The following CHST11 variants were observed in gnomAD, a reference collection of about 807,000 sequenced individuals.
CHST11 encodes C4S-1.
Under a neutral mutation model 30.4 loss-of-function variants are expected in CHST11, and 9 were observed. The ratio of observed to expected loss-of-function variants is 0.30; its 90% CI spans 0.18 to 0.52. The LOEUF (loss-of-function observed/expected upper bound fraction) is 0.52, where lower values mean the gene tolerates loss of function less well. CHST11 is among the 20% of genes least tolerant of loss of function. CHST11 has a pLI of 0.97. For synonymous variants in CHST11, 152 were observed against 187.8 expected, an observed-to-expected ratio of 0.81 and a Z score of 1.56; for missense variants, 348 against 460.6, an observed-to-expected ratio of 0.76 and a Z score of 2.24.
chr12:104,481,563 G>A (rs2135961028), intron 1 of CHST11, among the ~76,000 whole-genome samples: 1 of 152,214 alleles, frequency 6.6e-6, no homozygotes, highest in East Asian at 1.9e-4. Context: ...GCTTCCTTCT[G>A]TAGGGAGCGG....
chr12:104,566,579 G>A (rs943401061), intron 1 of CHST11, among the ~76,000 whole-genome samples: 2 of 152,178 alleles, frequency 1.3e-5, no homozygotes, highest in African/African-American at 2.4e-5. Context: ...GGGATTGTGA[G>A]GGTGGGTTCT....
At chr12:104,684,306 A>ATGGATG (rs1566036984) in intron 2 of CHST11, among the ~76,000 whole-genome samples, 58 of 129,824 alleles carry the variant, frequency 4.5e-4, no homozygotes, top group African/African-American at 1.5e-3. Context: ...ATGGATGGAT[A>ATGGATG]GATGGGTGAG....
At chr12:104,546,826 C>T (rs1319918627) in intron 1 of CHST11, among the ~76,000 whole-genome samples, 1 of 152,168 alleles carries the variant, frequency 6.6e-6, no homozygotes, top group Non-Finnish European at 1.5e-5. Flanking sequence ...ACGTGTGTAC[C>T]CTTGGGCGGT....
intron 2 of CHST11, among the ~76,000 whole-genome samples, chr12:104,750,951 T>G (rs540428968): frequency 6.6e-6 from 1 of 152,342 alleles, no homozygotes; most frequent in South Asian, 2.1e-4. Flanking sequence ...AGCATTCTCT[T>G]GACCCCTACC....
intron 1 of CHST11, among the ~76,000 whole-genome samples, chr12:104,530,014 CTAGG>C (rs2038166327): frequency 1.3e-5 from 2 of 152,092 alleles, no homozygotes; most frequent in Non-Finnish European, 2.9e-5. Context: ...AAAAAATTAG[CTAGG>C]CATGGTGGCA....
chr12:104,542,581 A>G (rs1592753801), intron 1 of CHST11, among the ~76,000 whole-genome samples: 1 of 152,234 alleles, frequency 6.6e-6, no homozygotes, highest in Admixed American at 6.5e-5. Context: ...AGAGACACAC[A>G]TGAAACTGGT....
intron 2 of CHST11, among the ~76,000 whole-genome samples, chr12:104,678,859 T>C (rs968557126): frequency 6.6e-6 from 1 of 152,174 alleles, no homozygotes; most frequent in Non-Finnish European, 1.5e-5. Flanking sequence ...CTCAGGAGTG[T>C]GGCATTGACC....
intron 1 of CHST11, among the ~76,000 whole-genome samples, chr12:104,515,210 C>T (rs527897147): frequency 4.5e-4 from 68 of 152,218 alleles, no homozygotes; most frequent in African/African-American, 1.0e-3. Context: ...AATAAAGTTT[C>T]GCTGGAACTC....
intron 2 of CHST11, among the ~76,000 whole-genome samples, chr12:104,686,383 G>T (rs565547859): frequency 3.3e-5 from 5 of 152,326 alleles, no homozygotes; most frequent in African/African-American, 1.2e-4. Flanking sequence ...CTGAGAGAGA[G>T]TCCTCTGCTC....
At chr12:104,547,058 C>G (rs1388610327) in intron 1 of CHST11, among the ~76,000 whole-genome samples, 4 of 152,202 alleles carry the variant, frequency 2.6e-5, no homozygotes, top group Non-Finnish European at 5.9e-5. Flanking sequence ...TCTTCGACCA[C>G]TCTTGCAAAT....
At chr12:104,462,638 T>A (rs1160859173) in intron 1 of CHST11, among the ~76,000 whole-genome samples, 1 of 152,220 alleles carries the variant, frequency 6.6e-6, no homozygotes, top group African/African-American at 2.4e-5. Flanking sequence ...TCTTATGTTA[T>A]ACACCTGAAA....
intron 1 of CHST11, among the ~76,000 whole-genome samples, chr12:104,462,619 AG>A (rs1298415122): frequency 1.3e-5 from 2 of 152,152 alleles, no homozygotes; most frequent in African/African-American, 4.8e-5. Flanking sequence ...ACCAATTTGT[AG>A]GGGCTGTTCT....
chr12:104,568,630 T>C (rs2038592794), intron 1 of CHST11, among the ~76,000 whole-genome samples: 1 of 152,172 alleles, frequency 6.6e-6, no homozygotes, highest in East Asian at 1.9e-4. Flanking sequence ...GCGGCACCTG[T>C]CATCTCTACT....
chr12:104,653,109 C>T (rs1049079763), intron 2 of CHST11, among the ~76,000 whole-genome samples: 6 of 152,206 alleles, frequency 3.9e-5, no homozygotes, highest in Non-Finnish European at 8.8e-5. Flanking sequence ...CTTCATCTTG[C>T]AACATGGAAT....
intron 1 of CHST11, among the ~76,000 whole-genome samples, chr12:104,476,252 A>G (rs1190320146): frequency 1.3e-5 from 2 of 148,832 alleles, no homozygotes; most frequent in Admixed American, 6.7e-5. Context: ...TTACACATAT[A>G]TGTAATATAT....
intron 2 of CHST11, among the ~76,000 whole-genome samples, chr12:104,614,593 G>A (rs1592794691): frequency 6.6e-6 from 1 of 152,054 alleles, no homozygotes; most frequent in Non-Finnish European, 1.5e-5. Flanking sequence ...AATACATGAC[G>A]TTGGAGGAGC....
chr12:104,747,188 G>A (rs113943867), intron 2 of CHST11, among the ~76,000 whole-genome samples: 90 of 152,304 alleles, frequency 5.9e-4, no homozygotes, highest in African/African-American at 2.1e-3. Flanking sequence ...TGAGACCCAC[G>A]CCTCCAGCGG....
intron 2 of CHST11, among the ~76,000 whole-genome samples, chr12:104,731,686 A>G (rs1454186542): frequency 6.6e-6 from 1 of 152,172 alleles, no homozygotes; most frequent in Non-Finnish European, 1.5e-5. Flanking sequence ...GAGCATGTCC[A>G]CCTCTCAGGG....
At chr12:104,495,674 A>T (rs112627768) in intron 1 of CHST11, among the ~76,000 whole-genome samples, 4 of 152,294 alleles carry the variant, frequency 2.6e-5, no homozygotes, top group African/African-American at 9.6e-5. Flanking sequence ...TGCATGACTT[A>T]ATTCTCATTA....
Sources: gnomAD v4.1 joint callset for allele counts (sites outside exome capture counted in the v4.1 genomes callset) on GRCh38, gnomAD v4.1.1 for gene constraint, MANE v1.5 for transcripts, NCBI Gene and HGNC (gene_info 2026-07-23, HGNC 2026-07-21) for gene names.